MUC5AC: variants seen among roughly 807,000 people sequenced by gnomAD.
MUC5AC encodes mucin 5AC, oligomeric mucus/gel-forming, also known as mucin-5AC.
Under a neutral mutation model 169.7 loss-of-function variants are expected in MUC5AC, and 158 were observed. The ratio of observed to expected loss-of-function variants is 0.93; its 90% CI spans 0.82 to 1.06. MUC5AC has a LOEUF of 1.06. Among genes scored for constraint, MUC5AC ranks in the 50% least tolerant of loss-of-function variants. The probability of loss-of-function intolerance (pLI) is 0.00; values close to 1 mark genes in which losing one functional copy is unlikely to be tolerated. For missense variants in MUC5AC, 4,359 were observed against 3,089.9 expected, an observed-to-expected ratio of 1.41 and a Z score of -9.74; for synonymous variants, 1,975 against 1,237.0, an observed-to-expected ratio of 1.60 and a Z score of -12.52.
At position 1,191,166 on chromosome 11, in the gene MUC5AC, C is replaced by G. The variant is rs1349322109; in HGVS notation, c.13021C>G (p.Pro4341Ala). Residue 4341 changes from proline (P) to alanine (A), a missense_variant, in exon 31 of 49, where the codon CCT becomes GCT. Pro to Ala is a conservative substitution (Grantham distance 27, BLOSUM62 -1). Transcript: ENST00000621226. ...TCCTATAACCAGCACAACCTCTGGT[C>G]CTGGAAGTACTCCCAGCCCTGTTCC... ...SAPITSTTSG[P>A]GSTPSPVPTT... The G allele has an allele frequency of 3.7e-5, 27 of 724,526 alleles. No homozygotes were observed. Among genetic ancestry groups the G allele is most frequent in the Non-Finnish European group, 5.3e-5 (21 of 392,604 alleles). The allele number at this position is 724,526 out of a possible 1,614,324, so 44.9% of individuals were successfully genotyped here.
chr11:1,194,068 A>T, intron 33 of MUC5AC, 42 bp from the exon 34 acceptor site: 2 of 757,976 alleles, frequency 2.6e-6, no homozygotes, highest in Non-Finnish European at 4.8e-6. Flanking sequence ...CCATGGTGCC[A>T]CCACCCGAGC....
intron 15 of MUC5AC, among the ~76,000 whole-genome samples, chr11:1,172,029 G>A (rs974400382): frequency 6.6e-6 from 1 of 152,228 alleles, no homozygotes; most frequent in African/African-American, 2.4e-5. Context: ...GCCGTGGGGA[G>A]GTGGGATCCC....
intron 15 of MUC5AC, among the ~76,000 whole-genome samples, chr11:1,169,615 T>C (rs1455051755): frequency 1.1e-4 from 11 of 102,828 alleles, no homozygotes; most frequent in East Asian, 7.3e-4. Flanking sequence ...ACCCACTCAC[T>C]CACTCACCTC....
Position 1,187,407 on chromosome 11 carries a change from G to A in MUC5AC, c.9262G>A (p.Ala3088Thr), listed in dbSNP as rs1554928198. ...SAPTTSTTSA[A>T]TTSTISAPTT... ...TCCTACAACCAGCACAACCTCTGCC[G>A]CTACAACCAGCACAATCTCGGCCCC... Residue 3088 changes from alanine (A) to threonine (T), a missense_variant, in exon 31 of 49, where the codon GCT (alanine) becomes ACT (threonine). Ala to Thr is a moderately conservative substitution (Grantham distance 58). Coordinates refer to ENST00000621226, the MANE Select transcript of MUC5AC (RefSeq NM_001304359.2). The A allele has an allele frequency of 1.1e-3, 611 of 552,262 alleles. 8 individuals carry two copies. The highest frequency in any genetic ancestry group is 9.0e-3 in the South Asian group (486 of 54,092). The allele number at this position is 552,262 out of a possible 1,614,324, so 34.2% of individuals were successfully genotyped here. A position where few individuals can be genotyped will look rare whatever the true frequency, so the allele number is the denominator to read the frequency against.
chr11:1,198,318 G>A lies in MUC5AC; in HGVS notation c.16173+13G>A, dbSNP rs1241921150. On this transcript the variant is annotated intron_variant, in intron 43 of 48. Transcript: ENST00000621226. ...GACCCTGTACCAGGTAAGAGCCACG[G>A]AGCTCAGACCCCCTCAGCCATAGGG... 6.7e-6 allele frequency: 5 copies of A among 745,692 alleles called. No homozygotes were observed. The highest frequency in any genetic ancestry group is 1.8e-5 in the Admixed American group (1 of 56,232). The allele number at this position is 745,692 out of a possible 1,614,324, so 46.2% of individuals were successfully genotyped here. A position where few individuals can be genotyped will look rare whatever the true frequency, so the allele number is the denominator to read the frequency against.
chr11:1,174,650 T>G, intron 17 of MUC5AC, 28 bp downstream of exon 17: 1 of 882,882 alleles, frequency 1.1e-6, no homozygotes, highest in Non-Finnish European at 1.7e-6. Context: ...CCAGCCCCTT[T>G]CCCTCGCTGG....
chr11:1,161,183 G>C (rs576725520), intron 2 of MUC5AC, among the ~76,000 whole-genome samples: 2 of 152,196 alleles, frequency 1.3e-5, no homozygotes, highest in Non-Finnish European at 2.9e-5. Flanking sequence ...TCTCCAAATC[G>C]GGCCAGACAG....
chr11:1,171,334 CT>C (rs1590139054), intron 15 of MUC5AC, among the ~76,000 whole-genome samples: 29,402 of 123,796 alleles, frequency 0.24, 5,655 homozygotes, highest in African/African-American at 0.43. Flanking sequence ...CACTCACTCA[CT>C]CACGCATTCA....
At position 1,163,035 on chromosome 11, in the gene MUC5AC, C is replaced by T. The variant is rs374853921; in HGVS notation, c.669C>T (p.Leu223=). The T allele has an allele frequency of 3.2e-5, 51 of 1,612,418 alleles. No individual in the cohort carries two copies. The South Asian group carries it at 4.8e-4, about 15-fold the overall frequency. ...ACGGGATGCCCGTGGTCAGCGAGCTCCTCTCCCACAGTAAGGCCCCACATC... is the reference window on the plus strand; with the variant it reads ...ACGGGATGCCCGTGGTCAGCGAGCTTCTCTCCCACAGTAAGGCCCCACATC... ...DFNGMPVVSE[L]LSHNTKLTPM... The change falls in exon 6 of 49, where the codon CTC becomes CTT. Residue 223 remains leucine (L), a synonymous_variant. Transcript: ENST00000621226.
intron 1 of MUC5AC, among the ~76,000 whole-genome samples, chr11:1,159,050 T>G (rs28645549): frequency 1.3e-5 from 2 of 151,370 alleles, no homozygotes; most frequent in Admixed American, 1.3e-4. Context: ...TGCGGGGGCT[T>G]AGAAGGTGGG....
chr11:1,189,421 G>C lies in MUC5AC; in HGVS notation c.11276G>C (p.Ser3759Thr). Residue 3759 changes from serine to threonine, a missense_variant, in exon 31 of 49, where the codon AGC becomes ACC. By Grantham distance (58) the Ser-to-Thr change is moderately conservative. Coordinates refer to ENST00000621226, the MANE Select transcript of MUC5AC (RefSeq NM_001304359.2). Reference sequence around the variant, plus strand: ...AGCACAACCTCTGCTCCCACAGCCAGCACAACGTCAGCTCCTACGAGCACT... The same window carrying C: ...AGCACAACCTCTGCTCCCACAGCCACCACAACGTCAGCTCCTACGAGCACT... ...TTSTTSAPTA[S>T]TTSAPTSTSS... The C allele has an allele frequency of 3.6e-6, 2 of 560,362 alleles. No individual in the cohort carries two copies. Among genetic ancestry groups the C allele is most frequent in the East Asian group, 5.7e-5 (2 of 35,148 alleles). 34.7% of individuals were successfully genotyped at this position (560,362 alleles called of 1,614,324 possible).
In MUC5AC at chr11:1,164,537, G is replaced by C. The variant is rs1564907012; in HGVS notation, c.1129+5G>C. ...CCGGCTGCTTCTGCCCTGAGGGTGA[G>C]GCTCCCCCGCCCCTGGGAAACACAG... is the stretch of plus-strand genomic sequence containing the variant. On this transcript the variant is annotated splice_donor_5th_base_variant and intron_variant, in intron 9 of 48. Transcript: ENST00000621226. 7 of 1,604,126 alleles carry C rather than the reference G, an allele frequency of 4.4e-6. No homozygotes were observed. Among genetic ancestry groups the C allele is most frequent in the Non-Finnish European group, 6.0e-6 (7 of 1,175,922 alleles).
In MUC5AC at chr11:1,161,872, C is replaced by T. The variant is rs577382717; in HGVS notation, c.212-35C>T. The T allele has an allele frequency of 1.5e-5, 24 of 1,594,078 alleles. No individual in the cohort carries two copies. The East Asian group carries it at 3.6e-4, about 24-fold the overall frequency. ...AGGGGGTGCAGGGCGAGGATGAGGGCGACGCCCCCAAACACCATGCTGCTT... is the reference window on the plus strand; with the variant it reads ...AGGGGGTGCAGGGCGAGGATGAGGGTGACGCCCCCAAACACCATGCTGCTT... On this transcript the variant is annotated intron_variant, in intron 3 of 48. Transcript: ENST00000621226.
chr11:1,171,338 CGCA>C (rs1860521703), intron 15 of MUC5AC, among the ~76,000 whole-genome samples: 1 of 73,188 alleles, frequency 1.4e-5, no homozygotes, highest in Non-Finnish European at 2.4e-5. Flanking sequence ...CACTCACTCA[CGCA>C]TTCACTCACT....
intron 15 of MUC5AC, among the ~76,000 whole-genome samples, chr11:1,171,457 CCATTCACCCCCT>C (rs1590139165): frequency 4.3e-3 from 554 of 128,512 alleles, no homozygotes; most frequent in Non-Finnish European, 5.3e-3. Flanking sequence ...ACCCATTCAC[CCATTCACCCCCT>C]CACTCACCCA....
intron 24 of MUC5AC, 101 bp from the exon 25 acceptor site, chr11:1,178,343 G>C (rs1860735060): frequency 2.8e-6 from 1 of 357,914 alleles, no homozygotes. Context: ...GCGGCCGCAG[G>C]GCAGGGTGGC....
rs1187135888 is a variant in MUC5AC at position 1,190,299 on chromosome 11, G to A, written c.12154G>A (p.Glu4052Lys). ...LNYEVRVLCC[E>K]TPKGCPVTST... Reference sequence around the variant, plus strand: ...CTACGAGGTGCGTGTGCTCTGCTGCGAGACCCCCAAAGGCTGCCCCGTGAC... The same window carrying A: ...CTACGAGGTGCGTGTGCTCTGCTGCAAGACCCCCAAAGGCTGCCCCGTGAC... The change falls in exon 31 of 49, where the codon GAG becomes AAG. Residue 4052 changes from glutamate (E) to lysine (K), a missense_variant. By Grantham distance (56) the Glu-to-Lys change is moderately conservative. Transcript: ENST00000621226. The A allele has an allele frequency of 1.6e-5, 11 of 695,384 alleles. No individual in the cohort carries two copies. The highest frequency in any genetic ancestry group is 2.5e-5 in the East Asian group (1 of 39,762). 43.1% of individuals were successfully genotyped at this position (695,384 alleles called of 1,614,324 possible). A position where few individuals can be genotyped will look rare whatever the true frequency, so the allele number is the denominator to read the frequency against.
At position 1,188,839 on chromosome 11, in the gene MUC5AC, C is replaced by G. The variant is rs1344533763; in HGVS notation, c.10694C>G (p.Thr3565Ser). 1.3e-6 allele frequency: 1 copy of G among 762,160 alleles called. No individual in the cohort carries two copies. Among genetic ancestry groups the G allele is most frequent in the Non-Finnish European group, 2.4e-6 (1 of 416,304 alleles). 47.2% of individuals were successfully genotyped at this position (762,160 alleles called of 1,614,324 possible). A position where few individuals can be genotyped will look rare whatever the true frequency, so the allele number is the denominator to read the frequency against. ...ATCTGCCGCCGACCTGAGGAGATCA[C>G]CAGGCTCCAGTGCCGAGCCAAGAGC... ...EKICRRPEEI[T>S]RLQCRAKSHP... Residue 3565 changes from threonine (T) to serine (S), a missense_variant, in exon 31 of 49, where the codon ACC becomes AGC. By Grantham distance (58) the Thr-to-Ser change is moderately conservative (BLOSUM62 1). Coordinates refer to ENST00000621226, the MANE Select transcript of MUC5AC (RefSeq NM_001304359.2).
At position 1,165,342 on chromosome 11, in the gene MUC5AC, T is replaced by C; in HGVS notation, c.1170T>C (p.Pro390=). 1 of 1,612,390 alleles carries C rather than the reference T, an allele frequency of 6.2e-7. No individual in the cohort carries two copies. Among genetic ancestry groups the C allele is most frequent in the Non-Finnish European group, 8.5e-7 (1 of 1,179,718 alleles). The change falls in exon 10 of 49, where the codon CCT becomes CCC. Residue 390 remains proline (P), a synonymous_variant. Coordinates refer to ENST00000621226, the MANE Select transcript of MUC5AC (RefSeq NM_001304359.2). ...ACATCGGCCAGACCGGCTGTGTCCC[T>C]GTGTCAAAGTGTGCCTGCGTCTACA... ...LDDIGQTGCV[P]VSKCACVYNG...
Sources: allele counts gnomAD v4.1 joint callset (sites outside exome capture counted in the v4.1 genomes callset), GRCh38; gene constraint gnomAD v4.1.1; transcripts MANE v1.5; gene names NCBI Gene and HGNC (gene_info 2026-07-23, HGNC 2026-07-21).